DAND5: variants seen among roughly 807,000 people sequenced by gnomAD.
DAND5 encodes the protein DAN domain family member 5.
A neutral mutation model predicts 9.2 loss-of-function variants in DAND5; 8 were observed. The observed-to-expected ratio is 0.87, with a 90% CI of 0.51 to 1.56. The LOEUF (loss-of-function observed/expected upper bound fraction) is 1.56. DAND5 is among the 40% of genes most tolerant of loss of function. The probability of loss-of-function intolerance (pLI) is 0.00; values close to 1 mark genes in which losing one functional copy is unlikely to be tolerated. For synonymous variants in DAND5, 95 were observed against 101.1 expected, an observed-to-expected ratio of 0.94 and a Z score of 0.36; for missense variants, 244 against 244.7, an observed-to-expected ratio of 1.00 and a Z score of 0.02.
intron 1 of DAND5, chr19:12,970,441 GT>G (rs1169830686): frequency 4.3e-6 from 3 of 700,576 alleles, no homozygotes; most frequent in African/African-American, 3.5e-5. Flanking sequence ...CTTTCTTTCT[GT>G]TTTTTTAGAC....
chr19:12,972,144 C>T (rs571570958), intron 1 of DAND5, among the ~76,000 whole-genome samples: 7 of 151,014 alleles, frequency 4.6e-5, no homozygotes, highest in Non-Finnish European at 7.4e-5. Context: ...CTGCAAGCTC[C>T]GCCTCCTGGG....
At chr19:12,970,960 G>A (rs974221736) in intron 1 of DAND5, among the ~76,000 whole-genome samples, 5 of 152,102 alleles carry the variant, frequency 3.3e-5, no homozygotes, top group South Asian at 2.1e-4. Flanking sequence ...GATTACAGGC[G>A]TGAGCCACTG....
In DAND5 at chr19:12,973,485, C is replaced by G. The variant is rs751937356; in HGVS notation, c.421C>G (p.Pro141Ala). ...CTACATCCCTGGCTCGGACCCCACCCCACTAGTCCTGTGCAACAGCTGTAT... is the reference window on the plus strand; with the variant it reads ...CTACATCCCTGGCTCGGACCCCACCGCACTAGTCCTGTGCAACAGCTGTAT... ...SLYIPGSDPT[P>A]LVLCNSCMPA... The change falls in exon 2 of 2, where the codon CCA (proline) becomes GCA (alanine). Residue 141 changes from proline (P) to alanine (A), a missense_variant. By Grantham distance (27) the Pro-to-Ala change is conservative (BLOSUM62 -1). Coordinates refer to ENST00000317060, the MANE Select transcript of DAND5 (RefSeq NM_152654.3). 1 of 1,614,174 alleles carries G rather than the reference C, an allele frequency of 6.2e-7. No homozygotes were observed. The highest frequency in any genetic ancestry group is 1.7e-5 in the Admixed American group (1 of 59,990).
At position 12,972,701 on chromosome 19, in the gene DAND5, C is replaced by T. The variant is rs139196039; in HGVS notation, c.325-688C>T. On this transcript the variant is annotated intron_variant, in intron 1 of 1. Transcript: ENST00000317060. ...GATTACAGGTGTAGGTGCCCATGCC[C>T]GGCTAAGTTTTGTATTTTCAGTAGA... 1.5e-3 allele frequency among the ~76,000 whole-genome samples: 225 copies of T among 151,894 alleles called. 1 individual carries two copies. The highest frequency in any genetic ancestry group is 2.0e-3 in the Non-Finnish European group (135 of 67,942).
chr19:12,972,035 C>T (rs977475800), intron 1 of DAND5, among the ~76,000 whole-genome samples: 12 of 151,436 alleles, frequency 7.9e-5, no homozygotes, highest in African/African-American at 2.7e-4. Context: ...GGCCTACAGA[C>T]GCACAGCATT....
At position 12,973,483 on chromosome 19, in the gene DAND5, C is replaced by A; in HGVS notation, c.419C>A (p.Thr140Asn). ...SSLYIPGSDP[T>N]PLVLCNSCMP... The stretch of plus-strand genomic sequence containing the variant: ...CTCTACATCCCTGGCTCGGACCCCA[C>A]CCCACTAGTCCTGTGCAACAGCTGT... Residue 140 changes from threonine (T) to asparagine (N), a missense_variant, in exon 2 of 2, where the codon ACC becomes AAC. Physicochemically the swap from Thr to Asn is moderately conservative, Grantham distance 65. Transcript: ENST00000317060. 6.2e-7 allele frequency: 1 copy of A among 1,614,172 alleles called. No individual in the cohort carries two copies. The highest frequency in any genetic ancestry group is 8.5e-7 in the Non-Finnish European group (1 of 1,180,030).
Position 12,969,922 on chromosome 19 carries a change from ACT to A in DAND5, c.265_266del (p.Leu89AlafsTer13). Reference sequence around the variant, plus strand: ...TGGGCAAGACGAGGTGGCTGCTGTGACTCTGCCGCTGAACCCTCAGGAAGTGA... The same window carrying A: ...TGGGCAAGACGAGGTGGCTGCTGTGACTGCCGCTGAACCCTCAGGAAGTGA... ...QRGQDEVAAV[T>X]LPLNPQEVIQ... On this transcript the variant is annotated frameshift_variant, in exon 1 of 2. Transcript: ENST00000317060. LOFTEE classifies it high-confidence loss of function. 2 of 1,614,000 alleles carry A rather than the reference ACT, an allele frequency of 1.2e-6. No homozygotes were observed. Among genetic ancestry groups the A allele is most frequent in the Admixed American group, 1.7e-5 (1 of 59,972 alleles).
At chr19:12,970,380 C>T (rs1360400059) in intron 1 of DAND5, 5 of 681,104 alleles carry the variant, frequency 7.3e-6, no homozygotes, top group South Asian at 1.6e-5. Context: ...CCCACTCTCC[C>T]CCTCAGTTAC....
rs778868509 is a variant in DAND5, at chr19:12,969,792, C to T, written c.132C>T (p.Gly44=). ...CAGCCAATCAGACCTGGGCTCTGGG[C>T]CCAGGGGCCCTGCCCCCACTGGTGC... ...WAAANQTWAL[G]PGALPPLVPA... Residue 44 remains glycine (G), a synonymous_variant, in exon 1 of 2, where the codon GGC becomes GGT. Transcript: ENST00000317060. The T allele has an allele frequency of 5.0e-6, 8 of 1,595,524 alleles. No individual in the cohort carries two copies. The South Asian group carries it at 9.1e-5, about 18-fold the overall frequency.
At position 12,972,402 on chromosome 19, in the gene DAND5, G is replaced by A. The variant is rs948920876; in HGVS notation, c.325-987G>A. On this transcript the variant is annotated intron_variant, in intron 1 of 1. Transcript: ENST00000317060. ...TTTTTAATTTCTTTGTAGAGACAGG[G>A]TCTTACTATATTGCCCAGGCTGGTC... Among the ~76,000 whole-genome samples, 3 of 151,876 alleles carry A rather than the reference G, an allele frequency of 2.0e-5. No homozygotes were observed. In the South Asian group the frequency reaches 6.2e-4, roughly 32 times the overall value.
chr19:12,970,455 G>T, intron 1 of DAND5: 2 of 701,494 alleles, frequency 2.9e-6, no homozygotes, highest in Non-Finnish European at 5.2e-6. Context: ...TTTTAGACAC[G>T]GGAGTCTCGC....
At chr19:12,971,546 A>G (rs1252608004) in intron 1 of DAND5, among the ~76,000 whole-genome samples, 1 of 151,328 alleles carries the variant, frequency 6.6e-6, no homozygotes, top group Non-Finnish European at 1.5e-5. Context: ...CCAAGTGCTG[A>G]GATTACAGGC....
rs1208268818 is a variant in DAND5, at chr19:12,973,268, C to T, written c.325-121C>T. ...AGACAGCAGAGTCAGGATTTGAACC[C>T]AGGCAGCCTGGCTGCAGCATCCATG... On this transcript the variant is annotated intron_variant, in intron 1 of 1. Transcript: ENST00000317060. 9.9e-6 allele frequency: 14 copies of T among 1,410,340 alleles called. No homozygotes were observed. The South Asian group carries it at 1.5e-4, about 15-fold the overall frequency. The allele number at this position is 1,410,340 out of a possible 1,614,324, so 87.4% of individuals were successfully genotyped here. A position where few individuals can be genotyped will look rare whatever the true frequency, so the allele number is the denominator to read the frequency against.
intron 1 of DAND5, among the ~76,000 whole-genome samples, chr19:12,972,598 A>G (rs2011150692): frequency 6.6e-6 from 1 of 151,612 alleles, no homozygotes; most frequent in Non-Finnish European, 1.5e-5. Flanking sequence ...GCTAGAGTGC[A>G]ATCATGATCT....
chr19:12,970,101 T>C, intron 1 of DAND5, 117 bp downstream of exon 1: 2 of 1,250,180 alleles, frequency 1.6e-6, no homozygotes, highest in Non-Finnish European at 2.2e-6. Flanking sequence ...AATGTCTCGG[T>C]GCCTCAGTTT....
At position 12,974,123 on chromosome 19, in the gene DAND5, A is replaced by AT. The variant is rs560501393; in HGVS notation, c.*501dup. The AT allele has an allele frequency of 0.037, 4,148 of 111,812 alleles. 204 individuals are homozygous for AT. Among genetic ancestry groups the AT allele is most frequent in the East Asian group, 0.21 (863 of 4,138 alleles). 6.9% of individuals were successfully genotyped at this position (111,812 alleles called of 1,614,324 possible). The stretch of plus-strand genomic sequence containing the variant: ...GTGATCTGCCTGCCTTGGCCTTATT[A>AT]TTTTTTTTTTTTAAGGACAGAGTCT... On this transcript the variant is annotated 3_prime_UTR_variant, in exon 2 of 2. Coordinates refer to ENST00000317060, the MANE Select transcript of DAND5 (RefSeq NM_152654.3).
chr19:12,972,949 G>A (rs542757569), intron 1 of DAND5, among the ~76,000 whole-genome samples: 4 of 140,174 alleles, frequency 2.9e-5, no homozygotes, highest in African/African-American at 1.0e-4. Flanking sequence ...TACAAGCTCC[G>A]CCTCCTGGGT....
At position 12,969,612 on chromosome 19, in the gene DAND5, G is replaced by A. The variant is rs200141574; in HGVS notation, c.-49G>A. 7 of 1,541,058 alleles carry A rather than the reference G, an allele frequency of 4.5e-6. No homozygotes were observed. Among genetic ancestry groups the A allele is most frequent in the Non-Finnish European group, 5.2e-6 (6 of 1,147,908 alleles). ...AGCAGGGTCGACTGCTAGTGACCTT[G>A]AGCCCAGTCCGGACAGACAGACAGG... On this transcript the variant is annotated 5_prime_UTR_variant, in exon 1 of 2. Coordinates refer to ENST00000317060, the MANE Select transcript of DAND5 (RefSeq NM_152654.3).
At chr19:12,972,861 C>CTTTTTTTT (rs1212086930) in intron 1 of DAND5, among the ~76,000 whole-genome samples, 5 of 104,714 alleles carry the variant, frequency 4.8e-5, no homozygotes, top group Admixed American at 1.2e-4. Context: ...AATTTCTTTT[C>CTTTTTTTT]TTTTTTTTTT....
Sources: allele counts gnomAD v4.1 joint callset (sites outside exome capture counted in the v4.1 genomes callset), GRCh38; gene constraint gnomAD v4.1.1; transcripts MANE v1.5; gene names NCBI Gene and HGNC (gene_info 2026-07-23, HGNC 2026-07-21).